Variants in MAGI2 observed in about 807,000 individuals in gnomAD.
MAGI2 encodes the protein membrane-associated guanylate kinase, WW and PDZ domain-containing protein 2.
In MAGI2, 35 loss-of-function variants were observed where a neutral mutation model predicts 133.3. The observed-to-expected ratio is 0.26, with a 90% confidence interval of 0.20 to 0.35. The LOEUF (loss-of-function observed/expected upper bound fraction) is 0.35. Among genes scored for constraint, MAGI2 ranks in the 10% least tolerant of loss-of-function variants. The probability of loss-of-function intolerance (pLI) is 1.00; values close to 1 mark genes in which losing one functional copy is unlikely to be tolerated. For missense variants in MAGI2, 1,636 were observed against 1,863.4 expected, an observed-to-expected ratio of 0.88 and a Z score of 2.25; for synonymous variants, 729 against 710.6, an observed-to-expected ratio of 1.03 and a Z score of -0.41.
intron 3 of MAGI2, among the ~76,000 whole-genome samples, chr7:78,525,408 T>C (rs367856736): frequency 1.0e-5 from 1 of 96,954 alleles, no homozygotes; most frequent in African/African-American, 6.0e-5. Flanking sequence ...AGCTAACTCA[T>C]TGAACTGACT....
intron 1 of MAGI2, among the ~76,000 whole-genome samples, chr7:79,272,750 C>G (rs1834966254): frequency 6.6e-6 from 1 of 151,944 alleles, no homozygotes; most frequent in South Asian, 2.1e-4. Context: ...CCATAGTACT[C>G]TATGACTTAA....
chr7:78,755,831 T>C (rs965722356), intron 2 of MAGI2, among the ~76,000 whole-genome samples: 38 of 152,316 alleles, frequency 2.5e-4, no homozygotes, highest in African/African-American at 8.4e-4. Context: ...AATAAACAAA[T>C]TTGCCATTAG....
At chr7:78,218,765 A>AT in intron 10 of MAGI2, among the ~76,000 whole-genome samples, 1 of 152,170 alleles carries the variant, frequency 6.6e-6, no homozygotes. Flanking sequence ...CTGAAGCTGC[A>AT]TTAGTAGCGT....
At chr7:79,266,236 A>ACCCCACCCCCAC (rs1008713138) in intron 1 of MAGI2, among the ~76,000 whole-genome samples, 8 of 40,218 alleles carry the variant, frequency 2.0e-4, no homozygotes, top group Non-Finnish European at 3.7e-4. Context: ...CTCCCTGCCC[A>ACCCCACCCCCAC]CCCCACCCCC....
intron 1 of MAGI2, among the ~76,000 whole-genome samples, chr7:79,165,285 C>A (rs529457554): frequency 5.3e-5 from 8 of 151,582 alleles, no homozygotes; most frequent in Non-Finnish European, 1.0e-4. Context: ...GGCAAAACCA[C>A]CGCTTTTTAT....
At chr7:78,507,409 T>C (rs902107605) in intron 4 of MAGI2, among the ~76,000 whole-genome samples, 1 of 152,022 alleles carries the variant, frequency 6.6e-6, no homozygotes. Context: ...AAGTAGAATA[T>C]TTAGGGGAAG....
At chr7:79,378,926 G>GTATATATATATATATATATA (rs59388508) in intron 1 of MAGI2, among the ~76,000 whole-genome samples, 1 of 94,602 alleles carries the variant, frequency 1.1e-5, no homozygotes, top group Non-Finnish European at 2.3e-5. Flanking sequence ...ATGTGTGTGT[G>GTATATATATATATATATATA]TATATATATA....
rs186371483 is a variant in MAGI2 at position 78,355,326 on chromosome 7, T to C, written c.1104-9283A>G. Among the ~76,000 whole-genome samples the C allele has an allele frequency of 2.2e-3, 328 of 152,354 alleles. 1 individual carries two copies. Among genetic ancestry groups the C allele is most frequent in the Non-Finnish European group, 2.8e-3 (188 of 68,032 alleles). ...AATTCCATTTGTGCACTTTTAAAGTTAATTCCAATTCAGATTTAAATTCTG... is the reference window on the plus strand; with the variant it reads ...AATTCCATTTGTGCACTTTTAAAGTCAATTCCAATTCAGATTTAAATTCTG... On this transcript the variant is annotated intron_variant, in intron 7 of 21. Transcript: ENST00000354212.
chr7:78,056,006 G>T (rs1812528669), intron 21 of MAGI2, among the ~76,000 whole-genome samples: 1 of 151,976 alleles, frequency 6.6e-6, no homozygotes, highest in South Asian at 2.1e-4. Flanking sequence ...CAGTACAGTA[G>T]TGTTATGTGT....
chr7:78,111,365 A>G (rs1297246676), intron 20 of MAGI2, among the ~76,000 whole-genome samples: 2 of 152,206 alleles, frequency 1.3e-5, no homozygotes, highest in African/African-American at 2.4e-5. Flanking sequence ...AATGTATTCA[A>G]TTCCTTTCTA....
intron 10 of MAGI2, among the ~76,000 whole-genome samples, chr7:78,248,744 G>A (rs1240650932): frequency 4.6e-5 from 7 of 152,098 alleles, no homozygotes; most frequent in South Asian, 4.1e-4. Context: ...AAACTTAAAC[G>A]TAAGATCCAA....
intron 2 of MAGI2, among the ~76,000 whole-genome samples, chr7:78,714,313 T>C (rs1819496905): frequency 6.6e-6 from 1 of 152,212 alleles, no homozygotes; most frequent in Non-Finnish European, 1.5e-5. Flanking sequence ...TCTGCTTTAC[T>C]TTGTAAGCAT....
chr7:78,240,286 A>G (rs1791000357), intron 10 of MAGI2, among the ~76,000 whole-genome samples: 1 of 152,034 alleles, frequency 6.6e-6, no homozygotes. Flanking sequence ...TTCCAGCTTC[A>G]TCCATGTCCC....
chr7:78,394,178 T>G lies in MAGI2; in HGVS notation c.1046-24965A>C, dbSNP rs1477756662. Among the ~76,000 whole-genome samples, 3 of 152,256 alleles carry G rather than the reference T, an allele frequency of 2.0e-5. No individual in the cohort carries two copies. The East Asian group carries it at 5.8e-4, about 30-fold the overall frequency. On this transcript the variant is annotated intron_variant, in intron 6 of 21. Transcript: ENST00000354212. ...AAACTGTTCTGGAAGCACTTCCCAG[T>G]CACACCCAGAAATACTGTTTCAGCA...
At chr7:78,296,860 G>T (rs529779228) in intron 9 of MAGI2, among the ~76,000 whole-genome samples, 8 of 152,220 alleles carry the variant, frequency 5.3e-5, no homozygotes, top group Admixed American at 5.2e-4. Context: ...CTCAGTCAGC[G>T]TGGGAAAGGC....
chr7:79,031,322 TG>T (rs1584739374), intron 1 of MAGI2, among the ~76,000 whole-genome samples: 2 of 151,912 alleles, frequency 1.3e-5, no homozygotes, highest in East Asian at 3.8e-4. Context: ...ATGCAAATTT[TG>T]TAGGAGAGAC....
intron 21 of MAGI2, among the ~76,000 whole-genome samples, chr7:78,024,268 C>T (rs1415031189): frequency 4.6e-5 from 7 of 152,190 alleles, no homozygotes; most frequent in Admixed American, 4.6e-4. Context: ...TTTTCTTTCT[C>T]TGCATTCCCT....
rs6970129 is a variant in MAGI2, at chr7:78,464,438, T to C, written c.1045+25323A>G. 5.5e-3 allele frequency among the ~76,000 whole-genome samples: 839 copies of C among 152,300 alleles called. 13 individuals are homozygous for C. The highest frequency in any genetic ancestry group is 0.019 in the African/African-American group (771 of 41,572). ...CCCTTTTGCTTGTCTGGCTTTTGTG[T>C]CAACCCTACTGCTCATATCCCCCTA... On this transcript the variant is annotated intron_variant, in intron 6 of 21. Transcript: ENST00000354212.
At chr7:79,181,569 G>A (rs1045889573) in intron 1 of MAGI2, among the ~76,000 whole-genome samples, 1 of 151,980 alleles carries the variant, frequency 6.6e-6, no homozygotes, top group Admixed American at 6.5e-5. Context: ...CCTGTGATGG[G>A]AGGGGCTGCT....
Sources: allele counts gnomAD v4.1 joint callset (sites outside exome capture counted in the v4.1 genomes callset), GRCh38; gene constraint gnomAD v4.1.1; transcripts MANE v1.5; gene names NCBI Gene and HGNC (gene_info 2026-07-23, HGNC 2026-07-21).